WIPF1: variants seen among roughly 807,000 people sequenced by gnomAD.
The protein encoded by WIPF1 is WAS/WASL interacting protein family member 1.
In WIPF1, 13 loss-of-function variants were observed where a neutral mutation model predicts 35.4. That is an observed-to-expected ratio of 0.37 (90% CI 0.24 to 0.58). The LOEUF (loss-of-function observed/expected upper bound fraction) is 0.58, where lower values mean the gene tolerates loss of function less well. WIPF1 is among the 20% of genes least tolerant of loss of function. The pLI is 0.74. For missense variants in WIPF1, 591 were observed against 667.0 expected, an observed-to-expected ratio of 0.89 and a Z score of 1.25; for synonymous variants, 267 against 266.3, an observed-to-expected ratio of 1.00 and a Z score of -0.02.
chr2:174,628,179 A>C (rs562260554), intron 1 of WIPF1, among the ~76,000 whole-genome samples: 46 of 152,294 alleles, frequency 3.0e-4, no homozygotes, highest in African/African-American at 1.1e-3. Flanking sequence ...TCCAGTGACC[A>C]TGTCCATTGT....
intron 1 of WIPF1, among the ~76,000 whole-genome samples, chr2:174,606,182 G>A (rs2115875): frequency 0.3 from 45,547 of 152,036 alleles, 7,077 homozygotes; most frequent in Middle Eastern, 0.41. Flanking sequence ...GCACTGTTCA[G>A]TAGAAATATA....
At chr2:174,645,183 A>G (rs1000544511) in intron 1 of WIPF1, among the ~76,000 whole-genome samples, 2 of 152,220 alleles carry the variant, frequency 1.3e-5, no homozygotes, top group African/African-American at 2.4e-5. Context: ...AAAAAAATCA[A>G]TTTAGCTTAA....
intron 3 of WIPF1, among the ~76,000 whole-genome samples, chr2:174,577,706 G>C (rs930625373): frequency 2.3e-4 from 35 of 152,116 alleles, no homozygotes; most frequent in African/African-American, 8.2e-4. Flanking sequence ...CGGGTGGATT[G>C]CTTGAGCTCA....
Position 174,561,759 on chromosome 2 carries a change from A to G in WIPF1, c.*788T>C. 1 of 218,694 alleles carries G rather than the reference A, an allele frequency of 4.6e-6. No homozygotes were observed. The highest frequency in any genetic ancestry group is 9.1e-6 in the Non-Finnish European group (1 of 110,230). The allele number at this position is 218,694 out of a possible 1,614,324, so 13.5% of individuals were successfully genotyped here. A position where few individuals can be genotyped will look rare whatever the true frequency, so the allele number is the denominator to read the frequency against. Reference sequence around the variant, plus strand: ...GTTTCTGCACTAGCTTCCATCTTCCAGACTCGTGCTGTCTAATCCAGTAGC... The same window carrying G: ...GTTTCTGCACTAGCTTCCATCTTCCGGACTCGTGCTGTCTAATCCAGTAGC... On this transcript the variant is annotated 3_prime_UTR_variant, in exon 8 of 8. Transcript: ENST00000679041.
intron 7 of WIPF1, among the ~76,000 whole-genome samples, chr2:174,565,914 C>T (rs991482659): frequency 1.3e-5 from 2 of 151,478 alleles, no homozygotes; most frequent in Non-Finnish European, 2.9e-5. Context: ...GATGAAGTCT[C>T]GCTCTGTCGC....
At chr2:174,671,883 CCCCGTCCTGTGAT>C (rs1462147578) in intron 1 of WIPF1, among the ~76,000 whole-genome samples, 1 of 152,156 alleles carries the variant, frequency 6.6e-6, no homozygotes, top group East Asian at 1.9e-4. Context: ...TTTAATTTCA[CCCCGTCCTGTGAT>C]CTCGCCCTGC....
chr2:174,598,787 G>C (rs544646360), upstream of WIPF1, among the ~76,000 whole-genome samples: 1 of 152,330 alleles, frequency 6.6e-6, no homozygotes, highest in African/African-American at 2.4e-5. Context: ...TAGAGATAAA[G>C]AGGGTGGAAG....
rs1684504376 is a variant in WIPF1 at position 174,562,284 on chromosome 2, A to G, written c.*263T>C. The G allele has an allele frequency of 6.6e-7, 1 of 1,523,926 alleles. No individual in the cohort carries two copies. Among genetic ancestry groups the G allele is most frequent in the African/African-American group, 1.4e-5 (1 of 72,532 alleles). The allele number at this position is 1,523,926 out of a possible 1,614,324, so 94.4% of individuals were successfully genotyped here. ...GGGATGCAAGTCATCTCTGCCTATT[A>G]CGACAAAAGCCTATCGACCCCAGCA... is the stretch of plus-strand genomic sequence containing the variant. On this transcript the variant is annotated 3_prime_UTR_variant, in exon 8 of 8. Coordinates refer to ENST00000679041, the MANE Select transcript of WIPF1 (RefSeq NM_001375834.1).
At chr2:174,679,507 A>G (rs1688207890) in intron 1 of WIPF1, among the ~76,000 whole-genome samples, 1 of 152,140 alleles carries the variant, frequency 6.6e-6, no homozygotes, top group East Asian at 1.9e-4. Flanking sequence ...GAATTTGTAA[A>G]AGACAGCATT....
At chr2:174,653,209 A>G (rs1408822412) in intron 1 of WIPF1, among the ~76,000 whole-genome samples, 1 of 152,168 alleles carries the variant, frequency 6.6e-6, no homozygotes, top group Non-Finnish European at 1.5e-5. Context: ...TCTGCCCCCA[A>G]CACCTATGGT....
chr2:174,565,056 C>T (rs776738674), intron 7 of WIPF1, among the ~76,000 whole-genome samples: 12 of 151,926 alleles, frequency 7.9e-5, no homozygotes, highest in Non-Finnish European at 1.3e-4. Context: ...CCCCTATGCC[C>T]GGCTAATTTT....
chr2:174,680,549 T>A (rs1688225333), intron 1 of WIPF1, among the ~76,000 whole-genome samples: 1 of 152,248 alleles, frequency 6.6e-6, no homozygotes, highest in Admixed American at 6.5e-5. Context: ...AAAGGCACTT[T>A]TGTTTCATTT....
At chr2:174,623,778 C>T (rs1166194152) in intron 1 of WIPF1, among the ~76,000 whole-genome samples, 2 of 152,186 alleles carry the variant, frequency 1.3e-5, no homozygotes, top group African/African-American at 2.4e-5. Context: ...GTGATCTCCA[C>T]CTGCTGAAAT....
chr2:174,664,137 T>TCACA (rs148539035), intron 1 of WIPF1, among the ~76,000 whole-genome samples: 3 of 151,086 alleles, frequency 2.0e-5, no homozygotes, highest in African/African-American at 4.9e-5. Context: ...TCCCTCTCTC[T>TCACA]CACACACACA....
chr2:174,567,827 C>A (rs914622631), intron 6 of WIPF1, 34 bp downstream of exon 6: 1 of 1,524,792 alleles, frequency 6.6e-7, no homozygotes, highest in African/African-American at 1.4e-5. Flanking sequence ...TTAGTTGCTG[C>A]CCTATAGCCC....
At chr2:174,614,151 G>A (rs1686436226) in intron 1 of WIPF1, among the ~76,000 whole-genome samples, 1 of 152,152 alleles carries the variant, frequency 6.6e-6, no homozygotes, top group African/African-American at 2.4e-5. Context: ...TTAAGAAACG[G>A]GGATTAATAA....
At chr2:174,635,392 C>T (rs929192512) in intron 1 of WIPF1, among the ~76,000 whole-genome samples, 3 of 152,112 alleles carry the variant, frequency 2.0e-5, no homozygotes, top group African/African-American at 7.2e-5. Flanking sequence ...GACAAGAGCA[C>T]CAGAAGAGTG....
intron 1 of WIPF1, among the ~76,000 whole-genome samples, chr2:174,672,213 G>A (rs1559178641): frequency 6.6e-6 from 1 of 152,320 alleles, no homozygotes; most frequent in South Asian, 2.1e-4. Context: ...AGATGGTGAG[G>A]ACAGATGGTT....
At chr2:174,666,019 GC>G (rs1441546833) in intron 1 of WIPF1, among the ~76,000 whole-genome samples, 1 of 152,194 alleles carries the variant, frequency 6.6e-6, no homozygotes, top group Non-Finnish European at 1.5e-5. Context: ...AGTGGCTCAT[GC>G]CTGTAATCCT....
Sources: allele counts gnomAD v4.1 joint callset (sites outside exome capture counted in the v4.1 genomes callset), GRCh38; gene constraint gnomAD v4.1.1; transcripts MANE v1.5; gene names NCBI Gene and HGNC (gene_info 2026-07-23, HGNC 2026-07-21).